The following SCNN1B variants were observed in gnomAD, a reference collection of about 807,000 sequenced individuals.
The protein encoded by SCNN1B is epithelial sodium channel subunit beta.
A neutral mutation model predicts 65.3 loss-of-function variants in SCNN1B; 46 were observed. The observed-to-expected ratio is 0.70, with a 90% CI of 0.56 to 0.90. The LOEUF is 0.90. Ranked by LOEUF, SCNN1B falls within the 40% of genes least tolerant of loss-of-function variation. The pLI, the probability that SCNN1B is intolerant of heterozygous loss-of-function variation, is 0.00. For missense variants in SCNN1B, 751 were observed against 830.5 expected (o/e 0.90, Z 1.18); for synonymous variants, 349 against 330.6 (o/e 1.06, Z -0.60).
intron 2 of SCNN1B, among the ~76,000 whole-genome samples, chr16:23,295,624 T>C: frequency 6.6e-6 from 1 of 152,130 alleles, no homozygotes; most frequent in Admixed American, 6.5e-5. Context: ...AGTGCTGAGA[T>C]TATAGGCATA....
At chr16:23,293,114 CAAAAAAAAAAAAAAA>C (rs1191618996) in intron 2 of SCNN1B, among the ~76,000 whole-genome samples, 5 of 34,160 alleles carry the variant, frequency 1.5e-4, no homozygotes, top group Admixed American at 9.6e-4. Flanking sequence ...GACTCATTCT[CAAAAAAAAAAAAAAA>C]AAAAAAAAAA....
At chr16:23,319,649 C>T (rs962831140) in intron 1 of SCNN1B, among the ~76,000 whole-genome samples, 9 of 152,190 alleles carry the variant, frequency 5.9e-5, no homozygotes, top group African/African-American at 1.9e-4. Context: ...CTGTATGGCA[C>T]GGAAAGCCTA....
upstream of SCNN1B, among the ~76,000 whole-genome samples, chr16:23,301,019 T>TGTGTGTGTGTGTGTGC (rs1476462438): frequency 6.6e-6 from 1 of 151,896 alleles, no homozygotes; most frequent in Non-Finnish European, 1.5e-5. Flanking sequence ...TGTGTGTGTG[T>TGTGTGTGTGTGTGTGC]GTATTCCACA....
At chr16:23,298,390 A>G (rs886210611), upstream of SCNN1B, among the ~76,000 whole-genome samples, 4 of 152,332 alleles carry the variant, frequency 2.6e-5, no homozygotes, top group African/African-American at 9.6e-5. Context: ...AGGCTACCCC[A>G]TGACGGCCAG....
At chr16:23,308,224 A>G (rs1043081411) in intron 1 of SCNN1B, among the ~76,000 whole-genome samples, 1 of 151,912 alleles carries the variant, frequency 6.6e-6, no homozygotes, top group Non-Finnish European at 1.5e-5. Flanking sequence ...ACAAGAAAGA[A>G]AGACATGCAG....
intron 1 of SCNN1B, among the ~76,000 whole-genome samples, chr16:23,344,644 T>C (rs1482695281): frequency 2.0e-5 from 3 of 152,186 alleles, no homozygotes; most frequent in Non-Finnish European, 4.4e-5. Flanking sequence ...TCTATGAACA[T>C]CCTCTTACAG....
chr16:23,375,076 CA>C (rs553120074), intron 7 of SCNN1B, among the ~76,000 whole-genome samples: 2 of 152,144 alleles, frequency 1.3e-5, no homozygotes, highest in South Asian at 4.2e-4. Context: ...GGACTGAAAC[CA>C]GGTCAGAATG....
chr16:23,323,531 A>G (rs1300438833), intron 1 of SCNN1B: 1 of 703,004 alleles, frequency 1.4e-6, no homozygotes, highest in Non-Finnish European at 2.6e-6. Context: ...TGAACTCAGT[A>G]CTATTTTCCC....
chr16:23,305,561 TA>T (rs56112077), intron 1 of SCNN1B, among the ~76,000 whole-genome samples: 15 of 67,416 alleles, frequency 2.2e-4, no homozygotes, highest in African/African-American at 3.7e-4. Flanking sequence ...TATATATATA[TA>T]TATATATATA....
rs559024202 is a variant in SCNN1B at position 23,372,430 on chromosome 16, T to C, written c.1152+547T>C. Among the ~76,000 whole-genome samples the C allele has an allele frequency of 1.6e-4, 24 of 152,124 alleles. No individual in the cohort carries two copies. In the East Asian group the frequency reaches 2.9e-3, roughly 18 times the overall value. On this transcript the variant is annotated intron_variant, in intron 7 of 12. Transcript: ENST00000343070. ...GTAGATACTATTATCATTCCCATTC[T>C]GGGAATGAGGAAATTGGGATTGACA...
At position 23,380,526 on chromosome 16, in the gene SCNN1B, A is replaced by G. The variant is rs750066576; in HGVS notation, c.1648A>G (p.Ile550Val). 6.2e-7 allele frequency: 1 copy of G among 1,614,190 alleles called. No homozygotes were observed. Among genetic ancestry groups the G allele is most frequent in the Admixed American group, 1.7e-5 (1 of 60,022 alleles). ...GGAGATCATCATCGACTTTGTGTGGATCACCATCATCAAGCTGGTGGCCTT... is the reference window on the plus strand; with the variant it reads ...GGAGATCATCATCGACTTTGTGTGGGTCACCATCATCAAGCTGGTGGCCTT... ...FGEIIIDFVW[I>V]TIIKLVALAK... The change falls in exon 13 of 13, where the codon ATC (isoleucine) becomes GTC (valine). Residue 550 changes from isoleucine (I) to valine (V), a missense_variant. Coordinates refer to ENST00000343070, the MANE Select transcript of SCNN1B (RefSeq NM_000336.3). The surrounding 1 kb of genome is among the most constrained non-coding windows in gnomAD (Gnocchi z 5.4).
intron 1 of SCNN1B, among the ~76,000 whole-genome samples, chr16:23,315,031 G>A (rs1961422944): frequency 6.6e-6 from 1 of 152,130 alleles, no homozygotes; most frequent in Non-Finnish European, 1.5e-5. Context: ...GAAACAGAAG[G>A]GGCTAAGAGA....
At chr16:23,337,145 G>A in intron 1 of SCNN1B, among the ~76,000 whole-genome samples, 1 of 151,940 alleles carries the variant, frequency 6.6e-6, no homozygotes, top group East Asian at 2.0e-4. Flanking sequence ...TCCAACTCCT[G>A]GGCTCAAGCA....
At chr16:23,325,090 G>A (rs1961665772) in intron 1 of SCNN1B, among the ~76,000 whole-genome samples, 1 of 152,140 alleles carries the variant, frequency 6.6e-6, no homozygotes, top group African/African-American at 2.4e-5. Context: ...AGCCATCCAG[G>A]AAATGCAAGC....
Position 23,287,373 on chromosome 16 carries a change from G to A in SCNN1B, n.178+3569G>A, listed in dbSNP as rs577724226. ...AATTTGTGAACATTGACTGGGTCTCGGTTTAAACCAATGGTAAAAGACATT... is the reference window on the plus strand; with the variant it reads ...AATTTGTGAACATTGACTGGGTCTCAGTTTAAACCAATGGTAAAAGACATT... On this transcript the variant is annotated intron_variant and non_coding_transcript_variant, in intron 2 of 3. Coordinates refer to the SCNN1B transcript ENST00000569789. Among the ~76,000 whole-genome samples, 7 of 152,054 alleles carry A rather than the reference G, an allele frequency of 4.6e-5. No individual in the cohort carries two copies. The South Asian group carries it at 1.2e-3, about 27-fold the overall frequency.
intron 1 of SCNN1B, among the ~76,000 whole-genome samples, chr16:23,319,081 C>T (rs1284983131): frequency 7.9e-5 from 12 of 150,976 alleles, no homozygotes; most frequent in African/African-American, 2.9e-4. Context: ...TCACTCTGTG[C>T]CCAGGCTGGA....
At chr16:23,340,557 C>T (rs566868122) in intron 1 of SCNN1B, among the ~76,000 whole-genome samples, 32 of 151,966 alleles carry the variant, frequency 2.1e-4, no homozygotes, top group South Asian at 2.1e-4. Flanking sequence ...TATTTTTTTA[C>T]GTTTTAATCT....
chr16:23,311,586 A>G (rs1334893023), intron 1 of SCNN1B, among the ~76,000 whole-genome samples: 1 of 151,902 alleles, frequency 6.6e-6, no homozygotes. Flanking sequence ...CCTTACCCCT[A>G]CCCCAGGAGG....
intron 1 of SCNN1B, among the ~76,000 whole-genome samples, chr16:23,320,657 A>G (rs1032970519): frequency 6.6e-5 from 10 of 152,230 alleles, no homozygotes; most frequent in African/African-American, 2.4e-4. Flanking sequence ...GTTCTGATCC[A>G]TGCAGTTTAC....
Sources: allele counts gnomAD v4.1 joint callset (sites outside exome capture counted in the v4.1 genomes callset), GRCh38; gene constraint gnomAD v4.1.1; non-coding constraint Gnocchi (gnomAD v3.1); transcripts MANE v1.5; gene names NCBI Gene and HGNC (gene_info 2026-07-23, HGNC 2026-07-21).